The following RELN variants were observed in gnomAD, a reference collection of about 807,000 sequenced individuals.
RELN encodes the protein reelin.
In RELN, 108 loss-of-function variants were observed where a neutral mutation model predicts 427.6. The observed-to-expected ratio is 0.25, with a 90% CI of 0.22 to 0.30. RELN has a LOEUF of 0.30. Among genes scored for constraint, RELN ranks in the 10% least tolerant of loss-of-function variants. The probability of loss-of-function intolerance (pLI) is 1.00; values close to 1 mark genes in which losing one functional copy is unlikely to be tolerated. For synonymous variants in RELN, 1,524 were observed against 1,513.4 expected (o/e 1.01, Z -0.16); for missense variants, 3,715 against 4,302.8 (o/e 0.86, Z 3.82).
At chr7:103,556,617 G>A (rs1029426069) in intron 38 of RELN, among the ~76,000 whole-genome samples, 2 of 152,144 alleles carry the variant, frequency 1.3e-5, no homozygotes, top group African/African-American at 4.8e-5. Context: ...TCTTGTGGCA[G>A]TGAATAAGTC....
At chr7:103,684,754 T>A (rs571961876) in intron 10 of RELN, among the ~76,000 whole-genome samples, 74 of 152,246 alleles carry the variant, frequency 4.9e-4, no homozygotes, top group African/African-American at 1.8e-3. Context: ...ACAAATAATA[T>A]ATGAGGAAAT....
chr7:103,681,140 A>G (rs936292503), intron 11 of RELN, among the ~76,000 whole-genome samples: 1 of 152,196 alleles, frequency 6.6e-6, no homozygotes, highest in Non-Finnish European at 1.5e-5. Context: ...AAGCTAAAAA[A>G]GAGGGGCCCT....
At chr7:103,489,591 A>G in intron 60 of RELN, 151 bp downstream of exon 60, 2 of 906,354 alleles carry the variant, frequency 2.2e-6, no homozygotes, top group South Asian at 2.9e-5. Flanking sequence ...AATTTGTCCC[A>G]AAGTTAAAGA....
chr7:103,488,731 G>GTGGTC (rs1292720962), intron 60 of RELN, among the ~76,000 whole-genome samples: 1 of 152,210 alleles, frequency 6.6e-6, no homozygotes, highest in African/African-American at 2.4e-5. Flanking sequence ...AACTTGACTA[G>GTGGTC]TGGTCTTTCT....
chr7:103,750,090 C>T (rs111272170), intron 5 of RELN, among the ~76,000 whole-genome samples: 2,724 of 152,254 alleles, frequency 0.018, 95 homozygotes, highest in African/African-American at 0.062. Context: ...AGCAATTCTC[C>T]TCTTTCAGCC....
At chr7:103,680,294 TG>T (rs1268369708) in intron 11 of RELN, among the ~76,000 whole-genome samples, 1 of 152,048 alleles carries the variant, frequency 6.6e-6, no homozygotes, top group African/African-American at 2.4e-5. Context: ...TCTTTAGCTC[TG>T]CTTTAATGGG....
In RELN at chr7:103,707,281, T is replaced by C. The variant is rs145026992; in HGVS notation, c.806-6275A>G. Among the ~76,000 whole-genome samples the C allele has an allele frequency of 2.5e-4, 38 of 152,178 alleles. No individual in the cohort carries two copies. In the East Asian group the frequency reaches 7.1e-3, roughly 29 times the overall value. On this transcript the variant is annotated intron_variant, in intron 8 of 64. Coordinates refer to ENST00000428762, the MANE Select transcript of RELN (RefSeq NM_005045.4). ...GATTAACCTTCTAAAGAATTTATTA[T>C]GTATTTGCTTAAAAAAAAAGAAACT...
chr7:103,564,431 G>A (rs1175056859), intron 34 of RELN, among the ~76,000 whole-genome samples: 1 of 152,238 alleles, frequency 6.6e-6, no homozygotes, highest in Non-Finnish European at 1.5e-5. Flanking sequence ...CTTACTGTGA[G>A]TCTGAGACTG....
chr7:103,664,326 T>G (rs1833210673), intron 11 of RELN, among the ~76,000 whole-genome samples: 1 of 152,208 alleles, frequency 6.6e-6, no homozygotes, highest in African/African-American at 2.4e-5. Flanking sequence ...TCAGCCTTTC[T>G]TAACTGGTGT....
chr7:103,594,605 T>C, intron 25 of RELN, 113 bp from the exon 26 acceptor site: 1 of 1,159,718 alleles, frequency 8.6e-7, no homozygotes, highest in Non-Finnish European at 1.3e-6. Flanking sequence ...TGGTTTGATC[T>C]CAATATTTTC....
intron 53 of RELN, among the ~76,000 whole-genome samples, chr7:103,499,504 A>G (rs1247438479): frequency 6.6e-6 from 1 of 152,204 alleles, no homozygotes; most frequent in Admixed American, 6.5e-5. Context: ...TTGCAATGCA[A>G]TAACTGTATA....
chr7:103,730,189 G>C (rs183474225), intron 6 of RELN, among the ~76,000 whole-genome samples: 2 of 152,198 alleles, frequency 1.3e-5, no homozygotes, highest in Non-Finnish European at 2.9e-5. Flanking sequence ...TAAACTAAAA[G>C]TGTCACTGTT....
chr7:103,989,324 G>GA lies in RELN; in HGVS notation c.32dup (p.Leu12ProfsTer74). 1 of 1,585,716 alleles carries GA rather than the reference G, an allele frequency of 6.3e-7. No homozygotes were observed. The highest frequency in any genetic ancestry group is 8.6e-7 in the Non-Finnish European group (1 of 1,161,594). ...TCGCCCCCAGCAACAGCGCTAGGAG[G>GA]AAAGTCTGCCGGGCCCAGCCACTGC... On this transcript the variant is annotated frameshift_variant, in exon 1 of 65. Coordinates refer to ENST00000428762, the MANE Select transcript of RELN (RefSeq NM_005045.4). LOFTEE classifies it high-confidence loss of function. The surrounding 1 kb of genome is among the most constrained non-coding windows in gnomAD (Gnocchi z 4.9).
chr7:103,792,602 A>G (rs1792194933), intron 3 of RELN, among the ~76,000 whole-genome samples: 1 of 151,962 alleles, frequency 6.6e-6, no homozygotes, highest in Non-Finnish European at 1.5e-5. Context: ...ACTGACAGCT[A>G]ATGGGTGCAG....
intron 28 of RELN, among the ~76,000 whole-genome samples, chr7:103,579,685 G>C (rs942274294): frequency 5.3e-5 from 8 of 151,302 alleles, no homozygotes; most frequent in African/African-American, 1.9e-4. Context: ...GCGTGTCCCA[G>C]ATAAATAAAA....
chr7:103,647,974 G>T (rs1832832338), intron 16 of RELN, among the ~76,000 whole-genome samples: 1 of 151,992 alleles, frequency 6.6e-6, no homozygotes, highest in African/African-American at 2.4e-5. Context: ...TTCAATAAAT[G>T]GTGCTGGGAA....
chr7:103,514,284 A>G (rs1829503307), intron 50 of RELN, among the ~76,000 whole-genome samples: 1 of 152,220 alleles, frequency 6.6e-6, no homozygotes, highest in Admixed American at 6.5e-5. Context: ...GGCATGGCAA[A>G]GATACATACT....
At chr7:103,837,403 C>T (rs1793437043) in intron 2 of RELN, among the ~76,000 whole-genome samples, 1 of 152,198 alleles carries the variant, frequency 6.6e-6, no homozygotes, top group Admixed American at 6.5e-5. Flanking sequence ...ACCAGCAATG[C>T]CATCACTCTC....
chr7:103,609,049 C>G (rs1831884061), intron 22 of RELN, among the ~76,000 whole-genome samples: 1 of 151,680 alleles, frequency 6.6e-6, no homozygotes, highest in Admixed American at 6.6e-5. Flanking sequence ...ATGACAAAAC[C>G]CCATCTCTAC....
Sources: allele counts gnomAD v4.1 joint callset (sites outside exome capture counted in the v4.1 genomes callset), GRCh38; gene constraint gnomAD v4.1.1; non-coding constraint Gnocchi (gnomAD v3.1); transcripts MANE v1.5; gene names NCBI Gene and HGNC (gene_info 2026-07-23, HGNC 2026-07-21).